Variants in MRC1 observed in about 807,000 individuals in gnomAD.
MRC1 encodes the protein macrophage mannose receptor 1.
A neutral mutation model predicts 102.9 loss-of-function variants in MRC1; 62 were observed. That is an observed-to-expected ratio of 0.60 (90% CI 0.49 to 0.74). MRC1 has a LOEUF of 0.74. Among genes scored for constraint, MRC1 ranks in the 30% least tolerant of loss-of-function variants. The probability of loss-of-function intolerance (pLI) is 0.00; values close to 1 mark genes in which losing one functional copy is unlikely to be tolerated. For missense variants in MRC1, 1,237 were observed against 862.8 expected (o/e 1.43, Z -5.43); for synonymous variants, 457 against 298.4 (o/e 1.53, Z -5.48).
intron 11 of MRC1, 121 bp downstream of exon 11, chr10:17,863,803 A>G: frequency 1.5e-6 from 1 of 670,764 alleles, no homozygotes; most frequent in Non-Finnish European, 2.7e-6. Flanking sequence ...TTTAGTAACA[A>G]TTTATATTTC....
rs947053954 is a variant in MRC1 at position 17,890,878 on chromosome 10, C to T, written c.3148-3332C>T. 6.6e-5 allele frequency among the ~76,000 whole-genome samples: 10 copies of T among 152,208 alleles called. No individual in the cohort carries two copies. The South Asian group carries it at 1.7e-3, about 25-fold the overall frequency. On this transcript the variant is annotated intron_variant, in intron 22 of 29. Transcript: ENST00000569591. ...GCTAAGCTTCATCTATATTTACAGC[C>T]GTTCCTCGTCACTCGCATCACTGCC... is the stretch of plus-strand genomic sequence containing the variant.
intron 20 of MRC1, 27 bp from the exon 21 acceptor site, chr10:17,881,040 T>C (rs1833508074): frequency 3.8e-6 from 3 of 780,158 alleles, no homozygotes; most frequent in Non-Finnish European, 7.2e-6. Context: ...AGTTTTTCTT[T>C]TTTTCTCTGC....
chr10:17,871,225 A>G (rs1406259618), intron 14 of MRC1, among the ~76,000 whole-genome samples: 1 of 152,188 alleles, frequency 6.6e-6, no homozygotes, highest in Non-Finnish European at 1.5e-5. Flanking sequence ...ACGTGCTGGC[A>G]ATATTTAGAA....
chr10:17,837,791 G>A (rs1838691193), intron 4 of MRC1, among the ~76,000 whole-genome samples: 1 of 151,924 alleles, frequency 6.6e-6, no homozygotes, highest in Non-Finnish European at 1.5e-5. Flanking sequence ...AGTAGACACA[G>A]GGTTTCACCA....
chr10:17,850,280 G>A (rs1284006612), intron 7 of MRC1, among the ~76,000 whole-genome samples: 4 of 115,094 alleles, frequency 3.5e-5, no homozygotes, highest in Non-Finnish European at 7.4e-5. Flanking sequence ...GAAATGGTTA[G>A]ATGTCAGCCT....
chr10:17,874,945 T>G (rs1833409018), intron 16 of MRC1, 145 bp from the exon 17 acceptor site: 1 of 706,334 alleles, frequency 1.4e-6, no homozygotes, highest in East Asian at 2.5e-5. Flanking sequence ...GTATTTGACG[T>G]GGACATTCTG....
At chr10:17,853,215 G>GTT in intron 8 of MRC1, 91 bp downstream of exon 8, 1 of 755,376 alleles carries the variant, frequency 1.3e-6, no homozygotes, top group Non-Finnish European at 2.5e-6. Context: ...TGTTTAGATT[G>GTT]TTTTTATTCT....
In MRC1 at chr10:17,866,778, A is replaced by C. The variant is rs1365500453; in HGVS notation, c.1983+17A>C. The C allele has an allele frequency of 1.3e-6, 1 of 780,832 alleles. No homozygotes were observed. The highest frequency in any genetic ancestry group is 2.4e-6 in the Non-Finnish European group (1 of 417,956). The allele number at this position is 780,832 out of a possible 1,614,324, so 48.4% of individuals were successfully genotyped here. On this transcript the variant is annotated intron_variant, in intron 12 of 29. Transcript: ENST00000569591. ...TGTTTCAAGGTGAGTATCAGTTATAAAGCTGGTAAGAGAATCTGGAGTATG... is the reference window on the plus strand; with the variant it reads ...TGTTTCAAGGTGAGTATCAGTTATACAGCTGGTAAGAGAATCTGGAGTATG...
intron 1 of MRC1, among the ~76,000 whole-genome samples, chr10:17,818,362 T>G (rs1228874451): frequency 6.6e-6 from 1 of 152,228 alleles, no homozygotes; most frequent in Non-Finnish European, 1.5e-5. Flanking sequence ...ATCAGAAAGA[T>G]CAAGTACCTC....
intron 17 of MRC1, among the ~76,000 whole-genome samples, chr10:17,875,725 C>T (rs1233724972): frequency 4.6e-5 from 7 of 152,112 alleles, no homozygotes; most frequent in East Asian, 3.9e-4. Flanking sequence ...AATATTATAA[C>T]GTGTGTGCAA....
At chr10:17,810,425 C>T (rs1239286047) in intron 1 of MRC1, among the ~76,000 whole-genome samples, 1 of 152,000 alleles carries the variant, frequency 6.6e-6, no homozygotes, top group African/African-American at 2.4e-5. Flanking sequence ...GATGTGAAGG[C>T]GGGTGGGAAG....
In MRC1 at chr10:17,823,152, C is replaced by T. The variant is rs1564610091; in HGVS notation, c.140C>T (p.Ala47Val). The change falls in exon 2 of 30, where the codon GCA becomes GTA. Residue 47 changes from alanine to valine, a missense_variant. Physicochemically the swap from Ala to Val is moderately conservative, Grantham distance 64. Transcript: ENST00000569591. Reference sequence around the variant, plus strand: ...GTGAGTCCCAGTGCCGTCCAAACCGCAGCTTGCAACCAGGATGCCGAATCA... The same window carrying T: ...GTGAGTCCCAGTGCCGTCCAAACCGTAGCTTGCAACCAGGATGCCGAATCA... Reference protein sequence around the residue: ...DAVSPSAVQTAACNQDAESQK... With the variant: ...DAVSPSAVQTVACNQDAESQK... 2 of 780,858 alleles carry T rather than the reference C, an allele frequency of 2.6e-6. No homozygotes were observed. The highest frequency in any genetic ancestry group is 1.7e-5 in the Admixed American group (1 of 59,026). 48.4% of individuals were successfully genotyped at this position (780,858 alleles called of 1,614,324 possible). A position where few individuals can be genotyped will look rare whatever the true frequency, so the allele number is the denominator to read the frequency against.
rs1833107090 is a variant in MRC1 at position 17,857,304 on chromosome 10, T to C, written c.1518+952T>C. 3.3e-5 allele frequency among the ~76,000 whole-genome samples: 5 copies of C among 152,338 alleles called. No homozygotes were observed. In the South Asian group the frequency reaches 1.0e-3, roughly 32 times the overall value. ...GCAAGGGTAGAACCCAGGTCTCCTG[T>C]CCCTAAACAACTATCCTTTGTTTCA... On this transcript the variant is annotated intron_variant, in intron 9 of 29. Coordinates refer to ENST00000569591, the MANE Select transcript of MRC1 (RefSeq NM_002438.4).
intron 4 of MRC1, among the ~76,000 whole-genome samples, chr10:17,840,234 A>C (rs944963495): frequency 5.1e-4 from 77 of 152,226 alleles, no homozygotes; most frequent in Non-Finnish European, 6.9e-4. Context: ...CCTTGGTGTT[A>C]GCATAAGCAC....
At chr10:17,850,714 T>C (rs1185933195) in intron 7 of MRC1, among the ~76,000 whole-genome samples, 21 of 151,880 alleles carry the variant, frequency 1.4e-4, no homozygotes, top group African/African-American at 4.1e-4. Context: ...AAATGGATGG[T>C]GGAGATGGTG....
At chr10:17,837,100 G>A (rs868970626) in intron 4 of MRC1, among the ~76,000 whole-genome samples, 7 of 152,096 alleles carry the variant, frequency 4.6e-5, no homozygotes, top group Admixed American at 2.0e-4. Context: ...CTCTGCTATC[G>A]GACTCGAGCT....
At chr10:17,902,921 A>G (rs1272569729) in intron 26 of MRC1, among the ~76,000 whole-genome samples, 1 of 152,178 alleles carries the variant, frequency 6.6e-6, no homozygotes, top group Non-Finnish European at 1.5e-5. Context: ...TGTTAGGTAC[A>G]TATTCGTCTA....
chr10:17,858,231 G>A (rs963733436), intron 9 of MRC1, among the ~76,000 whole-genome samples: 3,841 of 152,038 alleles, frequency 0.025, 75 homozygotes, highest in Middle Eastern at 0.041. Flanking sequence ...TTCTGACAGC[G>A]GTTTATATAT....
chr10:17,815,996 G>A (rs1032274821), intron 1 of MRC1, among the ~76,000 whole-genome samples: 3 of 151,986 alleles, frequency 2.0e-5, no homozygotes, highest in Non-Finnish European at 4.4e-5. Flanking sequence ...GCTAATTTTT[G>A]TATTTTTAGT....
Sources: gnomAD v4.1 joint callset for allele counts (sites outside exome capture counted in the v4.1 genomes callset) on GRCh38, gnomAD v4.1.1 for gene constraint, MANE v1.5 for transcripts, NCBI Gene and HGNC (gene_info 2026-07-23, HGNC 2026-07-21) for gene names.